The following LINGO2 variants were observed in gnomAD, a reference collection of about 807,000 sequenced individuals.
The protein encoded by LINGO2 is leucine-rich repeat and immunoglobulin-like domain-containing nogo receptor-interacting protein 2.
A neutral mutation model predicts 30.6 loss-of-function variants in LINGO2; 14 were observed. The ratio of observed to expected loss-of-function variants is 0.46; its 90% CI spans 0.30 to 0.72. The LOEUF (loss-of-function observed/expected upper bound fraction) is 0.72. LINGO2 is among the 30% of genes least tolerant of loss of function. The probability of loss-of-function intolerance (pLI) is 0.07; values close to 1 mark genes in which losing one functional copy is unlikely to be tolerated. For synonymous variants in LINGO2, 317 were observed against 288.5 expected, an observed-to-expected ratio of 1.10 and a Z score of -1.00; for missense variants, 729 against 751.7, an observed-to-expected ratio of 0.97 and a Z score of 0.35.
the LINGO2 span, among the ~76,000 whole-genome samples, chr9:29,092,876 GA>G: frequency 7.4e-6 from 1 of 135,238 alleles, no homozygotes; most frequent in Non-Finnish European, 1.6e-5. Flanking sequence ...AAACAAACTT[GA>G]AAAAGATGTT....
intron 3 of LINGO2, among the ~76,000 whole-genome samples, chr9:28,299,530 A>C (rs978876633): frequency 6.6e-6 from 1 of 152,050 alleles, no homozygotes; most frequent in African/African-American, 2.4e-5. Flanking sequence ...AACTACCACT[A>C]ATACTTGTAA....
At chr9:27,983,610 C>T (rs755143785) in intron 5 of LINGO2, among the ~76,000 whole-genome samples, 2 of 151,750 alleles carry the variant, frequency 1.3e-5, no homozygotes, top group African/African-American at 2.4e-5. Flanking sequence ...CTATGAAAAG[C>T]CTTGATTTCC....
At chr9:29,170,577 C>T in the LINGO2 span, among the ~76,000 whole-genome samples, 1 of 151,970 alleles carries the variant, frequency 6.6e-6, no homozygotes, top group African/African-American at 2.4e-5. Context: ...CTTGTATCCC[C>T]TATATCTATA....
chr9:28,560,641 G>T (rs2135547941), intron 1 of LINGO2, among the ~76,000 whole-genome samples: 1 of 151,860 alleles, frequency 6.6e-6, no homozygotes, highest in African/African-American at 2.4e-5. Context: ...CACACTGTTT[G>T]GCGTTTTTAT....
intron 3 of LINGO2, among the ~76,000 whole-genome samples, chr9:28,337,482 C>T (rs150306307): frequency 1.7e-4 from 26 of 152,264 alleles, no homozygotes; most frequent in Middle Eastern, 3.4e-3. Flanking sequence ...ATAAGTAACA[C>T]GGAGCCAAAT....
chr9:28,025,745 G>C (rs973762452), intron 4 of LINGO2, among the ~76,000 whole-genome samples: 1 of 152,212 alleles, frequency 6.6e-6, no homozygotes, highest in African/African-American at 2.4e-5. Context: ...TTTGAAGAGA[G>C]ACATCAGGGT....
At chr9:28,206,830 C>A (rs1443179729) in intron 4 of LINGO2, among the ~76,000 whole-genome samples, 1 of 152,086 alleles carries the variant, frequency 6.6e-6, no homozygotes, top group African/African-American at 2.4e-5. Flanking sequence ...CTAGGTTATA[C>A]TGGTTCAATG....
chr9:29,117,722 A>G, the LINGO2 span, among the ~76,000 whole-genome samples: 1 of 152,184 alleles, frequency 6.6e-6, no homozygotes, highest in East Asian at 1.9e-4. Flanking sequence ...GTTGAAGGCA[A>G]TTCTGGTGTG....
chr9:29,075,450 A>AT, the LINGO2 span, among the ~76,000 whole-genome samples: 1 of 151,882 alleles, frequency 6.6e-6, no homozygotes, highest in Non-Finnish European at 1.5e-5. Flanking sequence ...AATAGCTTTA[A>AT]TTTTTTTAAT....
chr9:28,699,914 C>T, the LINGO2 span, among the ~76,000 whole-genome samples: 1 of 151,968 alleles, frequency 6.6e-6, no homozygotes, highest in Non-Finnish European at 1.5e-5. Flanking sequence ...TGCTCTTGAA[C>T]TCTGTTTTCT....
the LINGO2 span, among the ~76,000 whole-genome samples, chr9:28,925,337 C>T: frequency 5.3e-5 from 8 of 152,080 alleles, no homozygotes; most frequent in African/African-American, 7.2e-5. Context: ...ACATGACTAA[C>T]GATAGGAGTT....
chr9:28,924,145 C>T, the LINGO2 span, among the ~76,000 whole-genome samples: 1 of 152,188 alleles, frequency 6.6e-6, no homozygotes, highest in Non-Finnish European at 1.5e-5. Context: ...TTTAACTCCC[C>T]TGGTTTCTTT....
the LINGO2 span, among the ~76,000 whole-genome samples, chr9:28,936,743 CATT>C: frequency 1.3e-5 from 2 of 152,064 alleles, no homozygotes; most frequent in South Asian, 4.1e-4. Flanking sequence ...ATATTATTGC[CATT>C]ATTATTATAA....
chr9:28,936,239 T>A, the LINGO2 span, among the ~76,000 whole-genome samples: 1 of 152,168 alleles, frequency 6.6e-6, no homozygotes, highest in East Asian at 1.9e-4. Context: ...ATCTTTTCTT[T>A]AAATTAATAG....
the LINGO2 span, among the ~76,000 whole-genome samples, chr9:28,895,600 T>C: frequency 6.6e-6 from 1 of 152,148 alleles, no homozygotes; most frequent in Non-Finnish European, 1.5e-5. Flanking sequence ...ACATAATTTA[T>C]AAGCGCATAC....
intron 2 of LINGO2, among the ~76,000 whole-genome samples, chr9:28,379,002 G>A (rs532878173): frequency 2.6e-5 from 4 of 152,100 alleles, no homozygotes; most frequent in South Asian, 2.1e-4. Flanking sequence ...AGATAAAGAC[G>A]GACAAAGGCA....
intron 5 of LINGO2, among the ~76,000 whole-genome samples, chr9:27,989,313 G>T (rs545609796): frequency 3.9e-5 from 6 of 151,950 alleles, no homozygotes; most frequent in Admixed American, 6.6e-5. Flanking sequence ...GTTCATTTTT[G>T]ATTGCCTAGT....
chr9:28,874,312 T>G, the LINGO2 span, among the ~76,000 whole-genome samples: 1 of 152,016 alleles, frequency 6.6e-6, no homozygotes, highest in African/African-American at 2.4e-5. Context: ...TATATCTCAC[T>G]GTGTAAGTGA....
In LINGO2 at chr9:28,381,592, T is replaced by TA. The variant is rs138064181; in HGVS notation, c.-278-8725dup. On this transcript the variant is annotated intron_variant, in intron 2 of 5. Transcript: ENST00000379992. ...TTTGTGTCTGAATCAGCACCATCAA[T>TA]AAAAAATACCATATTTTCAAAATGT... Among the ~76,000 whole-genome samples the TA allele has an allele frequency of 0.015, 2,348 of 152,220 alleles. 147 individuals are homozygous for TA. The East Asian group carries it at 0.21, about 14-fold the overall frequency.
Sources: gnomAD v4.1 joint callset for allele counts (sites outside exome capture counted in the v4.1 genomes callset) on GRCh38, gnomAD v4.1.1 for gene constraint, MANE v1.5 for transcripts, NCBI Gene and HGNC (gene_info 2026-07-23, HGNC 2026-07-21) for gene names.